The following SUPT6H variants were observed in gnomAD, a reference collection of about 807,000 sequenced individuals.
SUPT6H encodes transcription elongation factor SPT6.
In SUPT6H, 11 loss-of-function variants were observed where a neutral mutation model predicts 222.3. The observed-to-expected ratio is 0.05, with a 90% CI of 0.03 to 0.08. The LOEUF (loss-of-function observed/expected upper bound fraction) is 0.08, where lower values mean the gene tolerates loss of function less well. SUPT6H is among the 10% of genes least tolerant of loss of function. The probability of loss-of-function intolerance (pLI) is 1.00; values close to 1 mark genes in which losing one functional copy is unlikely to be tolerated. For missense variants in SUPT6H, 1,422 were observed against 2,216.0 expected, an observed-to-expected ratio of 0.64 and a Z score of 7.19; for synonymous variants, 762 against 801.2, an observed-to-expected ratio of 0.95 and a Z score of 0.83.
intron 29 of SUPT6H, among the ~76,000 whole-genome samples, chr17:28,695,846 A>G (rs1370573124): frequency 2.6e-5 from 4 of 152,178 alleles, no homozygotes; most frequent in Non-Finnish European, 5.9e-5. Flanking sequence ...GAGAAGGTGA[A>G]AGAGTCTCAG....
chr17:28,678,516 G>C (rs1371263352), intron 9 of SUPT6H, 29 bp from the exon 10 acceptor site: 1 of 1,604,274 alleles, frequency 6.2e-7, no homozygotes, highest in East Asian at 2.2e-5. Context: ...TGTCTTCTCT[G>C]AGTGACTGCA....
Position 28,676,413 on chromosome 17 carries a change from C to G in SUPT6H, c.880C>G (p.Leu294Val). ...GGACAATGAAATCCGAGCCACTGAC[C>G]TGCCTGAGAGGTTCCAGGTAAAAAA... ...DQDNEIRATD[L>V]PERFQLRSIP... Residue 294 changes from leucine (L) to valine (V), a missense_variant, in exon 7 of 37, where the codon CTG (leucine) becomes GTG (valine). Coordinates refer to ENST00000314616, the MANE Select transcript of SUPT6H (RefSeq NM_003170.5). 1 of 1,613,932 alleles carries G rather than the reference C, an allele frequency of 6.2e-7. No individual in the cohort carries two copies. Among genetic ancestry groups the G allele is most frequent in the Non-Finnish European group, 8.5e-7 (1 of 1,180,014 alleles).
chr17:28,663,373 A>G (rs2151591987), intron 1 of SUPT6H, among the ~76,000 whole-genome samples: 1 of 152,336 alleles, frequency 6.6e-6, no homozygotes, highest in South Asian at 2.1e-4. Flanking sequence ...AGATTGGATT[A>G]GCATAGCCTT....
Position 28,663,093 on chromosome 17 carries a change from A to T in SUPT6H, c.-32+751A>T, listed in dbSNP as rs551367318. On this transcript the variant is annotated intron_variant, in intron 1 of 36. Coordinates refer to ENST00000314616, the MANE Select transcript of SUPT6H (RefSeq NM_003170.5). The stretch of plus-strand genomic sequence containing the variant: ...TCTGAAAATACTTCCGTGGAAATTC[A>T]CTGTAATATCAAAAGTAACAAGGGT... Among the ~76,000 whole-genome samples, 3 of 152,340 alleles carry T rather than the reference A, an allele frequency of 2.0e-5. No individual in the cohort carries two copies. In the South Asian group the frequency reaches 6.2e-4, roughly 32 times the overall value.
chr17:28,685,814 C>G (rs57983729), intron 19 of SUPT6H, among the ~76,000 whole-genome samples: 1 of 152,142 alleles, frequency 6.6e-6, no homozygotes, highest in Non-Finnish European at 1.5e-5. Context: ...ATCAGAATAT[C>G]TAATAGTCCT....
At position 28,678,830 on chromosome 17, in the gene SUPT6H, C is replaced by G. The variant is rs759509642; in HGVS notation, c.1216C>G (p.Leu406Val). 6.2e-7 allele frequency: 1 copy of G among 1,614,180 alleles called. No individual in the cohort carries two copies. Among genetic ancestry groups the G allele is most frequent in the Non-Finnish European group, 8.5e-7 (1 of 1,180,042 alleles). Residue 406 changes from leucine to valine, a missense_variant, in exon 11 of 37, where the codon CTG becomes GTG. This residue lies in a region of SUPT6H where 389 missense variants were observed against 544.6 expected (regional missense o/e 0.71). Transcript: ENST00000314616. Reference protein sequence around the residue: ...VWQWDEKWTQLRIRKENLTRL... With the variant: ...VWQWDEKWTQVRIRKENLTRL... ...CCCTACTTCACCTTAGTGGACCCAG[C>G]TGCGGATCCGTAAAGAGAACCTAAC...
Position 28,682,834 on chromosome 17 carries a change from C to T in SUPT6H, c.1705C>T (p.Leu569=). 6.2e-7 allele frequency: 1 copy of T among 1,614,184 alleles called. No individual in the cohort carries two copies. Among genetic ancestry groups the T allele is most frequent in the Non-Finnish European group, 8.5e-7 (1 of 1,180,040 alleles). The change falls in exon 14 of 37, where the codon CTG becomes TTG. Residue 569 remains leucine, a synonymous_variant. Coordinates refer to ENST00000314616, the MANE Select transcript of SUPT6H (RefSeq NM_003170.5). ...TEQFPAEPLE[L]AKDYVCSQFP... ...GCAGTTTCCCGCGGAGCCCTTGGAG[C>T]TGGCCAAGGATTACGTTTGCAGGTA...
At chr17:28,662,408 T>C (rs1175508975) in intron 1 of SUPT6H, 66 bp downstream of exon 1, 3 of 155,070 alleles carry the variant, frequency 1.9e-5, no homozygotes, top group African/African-American at 7.3e-5. Context: ...TCCTAGGGCC[T>C]GGTCACGTAA....
intron 1 of SUPT6H, among the ~76,000 whole-genome samples, chr17:28,672,451 T>C (rs1207404129): frequency 1.3e-5 from 2 of 152,130 alleles, no homozygotes; most frequent in Non-Finnish European, 2.9e-5. Flanking sequence ...TTTGCTCTTG[T>C]TGCCCAGGCT....
At chr17:28,696,226 G>T (rs917978002) in intron 29 of SUPT6H, among the ~76,000 whole-genome samples, 2 of 148,760 alleles carry the variant, frequency 1.3e-5, no homozygotes, top group African/African-American at 5.0e-5. Context: ...GAACCCAGGA[G>T]TGAGAAGTTG....
At chr17:28,697,774 C>G in intron 31 of SUPT6H, 41 bp downstream of exon 31, 1 of 1,611,892 alleles carries the variant, frequency 6.2e-7, no homozygotes, top group South Asian at 1.1e-5. Flanking sequence ...TTGCCAATCA[C>G]TTAAGGATGT....
chr17:28,699,572 C>G (rs2032052008), intron 32 of SUPT6H, among the ~76,000 whole-genome samples: 1 of 152,170 alleles, frequency 6.6e-6, no homozygotes, highest in Non-Finnish European at 1.5e-5. Flanking sequence ...AGTCCGTATG[C>G]AGCACACAGA....
Position 28,683,305 on chromosome 17 carries a change from A to G in SUPT6H, c.1916A>G (p.Tyr639Cys), listed in dbSNP as rs2031214294. The G allele has an allele frequency of 8.1e-6, 13 of 1,614,168 alleles. No individual in the cohort carries two copies. Among genetic ancestry groups the G allele is most frequent in the Non-Finnish European group, 1.1e-5 (13 of 1,180,032 alleles). Residue 639 changes from tyrosine (Y) to cysteine (C), a missense_variant, in exon 16 of 37, where the codon TAT becomes TGT. Tyr to Cys is a radical substitution (Grantham distance 194). Coordinates refer to ENST00000314616, the MANE Select transcript of SUPT6H (RefSeq NM_003170.5). ...DEAHYAYSFKYLKNKPVKELR... is the reference protein window; with the variant it reads ...DEAHYAYSFKCLKNKPVKELR... ...GCCCACTATGCCTATTCCTTCAAGT[A>G]TTTAAAGAACAAGCCTGTTAAGGAA...
intron 4 of SUPT6H, 155 bp downstream of exon 4, chr17:28,674,768 C>G: frequency 1.1e-6 from 1 of 899,464 alleles, no homozygotes; most frequent in Non-Finnish European, 1.7e-6. Context: ...GATTTGCATC[C>G]CAGATCTGGG....
At chr17:28,675,583 A>G in intron 6 of SUPT6H, 98 bp downstream of exon 6, 1 of 1,283,622 alleles carries the variant, frequency 7.8e-7, no homozygotes, top group African/African-American at 1.5e-5. Context: ...GGGCATTCCC[A>G]GCTTGCAGCC....
chr17:28,690,696 C>T (rs2031598916), intron 26 of SUPT6H, among the ~76,000 whole-genome samples: 1 of 152,308 alleles, frequency 6.6e-6, no homozygotes, highest in African/African-American at 2.4e-5. Flanking sequence ...ATTCCTTGAA[C>T]CTGGGAGGCA....
intron 27 of SUPT6H, among the ~76,000 whole-genome samples, chr17:28,692,382 C>T (rs1372543669): frequency 2.0e-5 from 3 of 146,542 alleles, no homozygotes; most frequent in African/African-American, 5.1e-5. Context: ...CCTGTAATCC[C>T]AGTACTTTGG....
rs764122654 is a variant in SUPT6H at position 28,686,673 on chromosome 17, G to A, written c.2584G>A (p.Glu862Lys). The A allele has an allele frequency of 1.2e-6, 2 of 1,600,198 alleles. No homozygotes were observed. The highest frequency in any genetic ancestry group is 1.7e-6 in the Non-Finnish European group (2 of 1,174,618). ...CACCAGGGACGCCCAGATGTTGATTGAAGATGTGAAGCGCATTGTACATGA... is the reference window on the plus strand; with the variant it reads ...CACCAGGGACGCCCAGATGTTGATTAAAGATGTGAAGCGCATTGTACATGA... The part of the protein sequence containing the change: ...GENRDAQMLI[E>K]DVKRIVHELD... Residue 862 changes from glutamate to lysine, a missense_variant, in exon 21 of 37, where the codon GAA becomes AAA. By Grantham distance (56) the Glu-to-Lys change is moderately conservative. This residue lies in a region of SUPT6H where 294 missense variants were observed against 382.1 expected (regional missense o/e 0.77). Transcript: ENST00000314616.
At chr17:28,691,170 A>G in intron 27 of SUPT6H, 107 bp downstream of exon 27, 1 of 1,391,912 alleles carries the variant, frequency 7.2e-7, no homozygotes, top group Non-Finnish European at 9.8e-7. Flanking sequence ...CTCTCACCAA[A>G]CAAGTACACA....
Sources: allele counts gnomAD v4.1 joint callset (sites outside exome capture counted in the v4.1 genomes callset), GRCh38; gene constraint gnomAD v4.1.1; regional missense constraint gnomAD v4.1.1; transcripts MANE v1.5; gene names NCBI Gene and HGNC (gene_info 2026-07-23, HGNC 2026-07-21).